Variants in IDO2 observed in about 807,000 individuals in gnomAD.
The protein encoded by IDO2 is indoleamine 2,3-dioxygenase 2, also known as indoleamine 2,3-dioxygenase-like 1 protein.
A neutral mutation model predicts 45.1 loss-of-function variants in IDO2; 46 were observed. The observed-to-expected ratio is 1.02, with a 90% CI of 0.80 to 1.30. The LOEUF (loss-of-function observed/expected upper bound fraction) is 1.30, where lower values mean the gene tolerates loss of function less well. Among genes scored for constraint, IDO2 ranks in the 50% most tolerant of loss-of-function variants. The pLI is 0.00. For synonymous variants in IDO2, 218 were observed against 184.9 expected, an observed-to-expected ratio of 1.18 and a Z score of -1.45; for missense variants, 544 against 491.8, an observed-to-expected ratio of 1.11 and a Z score of -1.00.
chr8:39,975,565 T>TA (rs1563432284), intron 3 of IDO2, among the ~76,000 whole-genome samples: 1 of 152,138 alleles, frequency 6.6e-6, no homozygotes, highest in Non-Finnish European at 1.5e-5. Flanking sequence ...AAATGAAAGT[T>TA]AAAACCATAA....
intron 8 of IDO2, among the ~76,000 whole-genome samples, chr8:39,999,972 G>C (rs978338546): frequency 6.6e-6 from 1 of 152,182 alleles, no homozygotes. Context: ...TAGATACCTT[G>C]TTGAACTTCG....
rs527774574 is a variant in IDO2 at position 39,936,296 on chromosome 8, C to T, written c.-18+1078C>T. Among the ~76,000 whole-genome samples, 8 of 152,122 alleles carry T rather than the reference C, an allele frequency of 5.3e-5. No homozygotes were observed. The East Asian group carries it at 1.5e-3, about 29-fold the overall frequency. On this transcript the variant is annotated intron_variant, in intron 1 of 10. Transcript: ENST00000502986. ...GGTATTATGATAGAGCAAAAACTAT[C>T]CAAAAGAGATTTAATTCAAGTCATT...
chr8:39,971,718 C>T lies in IDO2; in HGVS notation c.196-7349C>T, dbSNP rs903075752. ...TTCAAGACTTGAGCAGAGGAAGTCACTGGAGATGTCGCAGAAATAGTATGA... is the reference window on the plus strand; with the variant it reads ...TTCAAGACTTGAGCAGAGGAAGTCATTGGAGATGTCGCAGAAATAGTATGA... On this transcript the variant is annotated intron_variant, in intron 3 of 10. Transcript: ENST00000502986. 4.6e-5 allele frequency among the ~76,000 whole-genome samples: 7 copies of T among 152,154 alleles called. 1 individual carries two copies. Among genetic ancestry groups the T allele is most frequent in the Admixed American group, 4.6e-4 (7 of 15,284 alleles).
chr8:39,982,119 C>T (rs750419323), intron 4 of IDO2, among the ~76,000 whole-genome samples: 26 of 151,990 alleles, frequency 1.7e-4, no homozygotes, highest in Non-Finnish European at 5.9e-5. Context: ...CTCTATGAGT[C>T]GGTCAATCAA....
intron 3 of IDO2, among the ~76,000 whole-genome samples, chr8:39,969,527 C>T (rs1808148756): frequency 6.6e-6 from 1 of 152,146 alleles, no homozygotes; most frequent in South Asian, 2.1e-4. Flanking sequence ...AATAATCCTA[C>T]AATGGCCTCT....
chr8:39,954,055 G>A (rs541380747), intron 2 of IDO2, among the ~76,000 whole-genome samples: 28 of 151,878 alleles, frequency 1.8e-4, no homozygotes, highest in Admixed American at 2.0e-4. Context: ...AAATTTTTCC[G>A]GCCATTTTAT....
Position 39,954,908 on chromosome 8 carries a change from C to T in IDO2, c.99+5644C>T, listed in dbSNP as rs1807867875. Reference sequence around the variant, plus strand: ...CTGGCCTCAAGTGATCCGCGCACCTCGGCCTCTCAAAGTGCTAGGATTACA... The same window carrying T: ...CTGGCCTCAAGTGATCCGCGCACCTTGGCCTCTCAAAGTGCTAGGATTACA... On this transcript the variant is annotated intron_variant, in intron 2 of 10. Transcript: ENST00000502986. Among the ~76,000 whole-genome samples, 10 of 151,584 alleles carry T rather than the reference C, an allele frequency of 6.6e-5. No individual in the cohort carries two copies. The Admixed American group carries it at 6.6e-4, about 10-fold the overall frequency.
At chr8:40,010,007 G>A (rs953458926) in intron 9 of IDO2, among the ~76,000 whole-genome samples, 3 of 150,592 alleles carry the variant, frequency 2.0e-5, no homozygotes, top group African/African-American at 7.4e-5. Context: ...CCCTCAACTT[G>A]GCCCCTCTGG....
chr8:40,006,628 A>G (rs1338733794), intron 9 of IDO2, among the ~76,000 whole-genome samples: 1 of 136,670 alleles, frequency 7.3e-6, no homozygotes, highest in Non-Finnish European at 1.6e-5. Flanking sequence ...ATTTCTTCAC[A>G]TAGAGAACTC....
chr8:39,944,100 T>A lies in IDO2; in HGVS notation c.-17-5049T>A, dbSNP rs55992954. ...GGGAGCTTCCTGCTTTTTTTTAGCT[T>A]TCATATTTATCTTAGAGAAAGGGAG... On this transcript the variant is annotated intron_variant, in intron 1 of 10. Coordinates refer to ENST00000502986, the Ensembl canonical transcript of IDO2. 2.0e-3 allele frequency among the ~76,000 whole-genome samples: 307 copies of A among 152,040 alleles called. 3 individuals carry two copies. Among genetic ancestry groups the A allele is most frequent in the African/African-American group, 6.9e-3 (287 of 41,474 alleles).
chr8:39,997,487 A>G (rs1175652440), intron 8 of IDO2, among the ~76,000 whole-genome samples: 5 of 149,356 alleles, frequency 3.3e-5, no homozygotes, highest in Non-Finnish European at 5.9e-5. Context: ...CCTGGGCAAC[A>G]TAGCAAAACC....
chr8:39,943,653 C>A (rs1971046), intron 1 of IDO2, among the ~76,000 whole-genome samples: 52,645 of 148,178 alleles, frequency 0.36, 11,234 homozygotes, highest in Non-Finnish European at 0.48. Context: ...AGGAGAATGG[C>A]GTGAACCCCG....
At chr8:39,940,344 G>A (rs1807625002) in intron 1 of IDO2, among the ~76,000 whole-genome samples, 2 of 152,102 alleles carry the variant, frequency 1.3e-5, no homozygotes, top group South Asian at 2.1e-4. Flanking sequence ...TTGGGCTTAC[G>A]GCTAAAGGAA....
At chr8:39,991,179 A>T (rs1808491647) in intron 8 of IDO2, among the ~76,000 whole-genome samples, 1 of 152,224 alleles carries the variant, frequency 6.6e-6, no homozygotes, top group Non-Finnish European at 1.5e-5. Context: ...CTGAAGTCAC[A>T]GGATTAGGTA....
intron 8 of IDO2, among the ~76,000 whole-genome samples, chr8:40,004,522 A>AT (rs1802186292): frequency 1.0e-5 from 1 of 98,710 alleles, no homozygotes; most frequent in African/African-American, 3.6e-5. Flanking sequence ...TTAGACAGAC[A>AT]GATGATAGAT....
intron 6 of IDO2, among the ~76,000 whole-genome samples, chr8:39,986,720 G>T (rs993035343): frequency 1.6e-5 from 2 of 126,002 alleles, no homozygotes; most frequent in Non-Finnish European, 3.5e-5. Flanking sequence ...ATAGATAGAC[G>T]GAATTTGGCC....
intron 6 of IDO2, 80 bp downstream of exon 6, chr8:39,985,602 T>C (rs1808411099): frequency 1.2e-5 from 14 of 1,185,986 alleles, no homozygotes; most frequent in South Asian, 9.4e-5. Flanking sequence ...GAACAAAGCA[T>C]GCTAAATTAT....
At chr8:39,979,072 C>T (rs1205421365) in exon 4 of IDO2, 1 of 1,582,058 alleles carries the variant, frequency 6.3e-7, no homozygotes, top group Admixed American at 1.8e-5. Flanking sequence ...AACAGATGCC[C>T]CTGCTGAGCT....
intron 8 of IDO2, among the ~76,000 whole-genome samples, chr8:39,998,765 C>T (rs1349681779): frequency 2.6e-5 from 4 of 150,972 alleles, no homozygotes; most frequent in East Asian, 3.9e-4. Context: ...CTCAACTTCC[C>T]GAGTAGCTGA....
Sources: gnomAD v4.1 joint callset for allele counts (sites outside exome capture counted in the v4.1 genomes callset) on GRCh38, gnomAD v4.1.1 for gene constraint, MANE v1.5 for transcripts, NCBI Gene and HGNC (gene_info 2026-07-23, HGNC 2026-07-21) for gene names.